Variants in STXBP5 observed in about 807,000 individuals in gnomAD.
STXBP5 encodes syntaxin binding protein 5.
Under a neutral mutation model 152.4 loss-of-function variants are expected in STXBP5, and 50 were observed. That is an observed-to-expected ratio of 0.33 (90% CI 0.26 to 0.42). The LOEUF is 0.42. STXBP5 is among the 10% of genes least tolerant of loss of function. The probability of loss-of-function intolerance (pLI) is 1.00; values close to 1 mark genes in which losing one functional copy is unlikely to be tolerated. For missense variants in STXBP5, 1,167 were observed against 1,388.6 expected (o/e 0.84, Z 2.54); for synonymous variants, 492 against 494.7 (o/e 0.99, Z 0.07).
intron 7 of STXBP5, among the ~76,000 whole-genome samples, chr6:147,276,868 A>G (rs1431532259): frequency 6.6e-6 from 1 of 152,144 alleles, no homozygotes; most frequent in African/African-American, 2.4e-5. Context: ...TAATAAGTAA[A>G]GGAGCTCCTT....
chr6:147,347,301 A>T (rs1784383616), intron 21 of STXBP5, among the ~76,000 whole-genome samples: 1 of 152,238 alleles, frequency 6.6e-6, no homozygotes, highest in Non-Finnish European at 1.5e-5. Flanking sequence ...TTCAAGGATG[A>T]AGGTGAACAG....
intron 3 of STXBP5, 44 bp downstream of exon 3, chr6:147,235,375 G>T: frequency 1.3e-6 from 2 of 1,487,082 alleles, no homozygotes; most frequent in East Asian, 2.3e-5. Context: ...TCCAAAATAG[G>T]GCCACTTCTA....
At position 147,325,796 on chromosome 6, in the gene STXBP5, C is replaced by A. The variant is rs964499882; in HGVS notation, c.1928+712C>A. ...TTTTTTTTCTTGCTGGTAGCTCCCA[C>A]CACCTATTCTGTCTCTTGCAGCTGT... On this transcript the variant is annotated intron_variant, in intron 17 of 27. Coordinates refer to ENST00000321680, the MANE Select transcript of STXBP5 (RefSeq NM_001127715.4). 9.9e-5 allele frequency among the ~76,000 whole-genome samples: 15 copies of A among 152,160 alleles called. No homozygotes were observed. In the East Asian group the frequency reaches 2.9e-3, roughly 29 times the overall value.
chr6:147,292,508 A>G (rs963149466), intron 9 of STXBP5: 1 of 158,056 alleles, frequency 6.3e-6, no homozygotes, highest in Admixed American at 6.5e-5. Context: ...AATAAACTCT[A>G]TAAATGATTG....
chr6:147,221,816 G>A (rs1777476525), intron 2 of STXBP5, among the ~76,000 whole-genome samples: 1 of 151,130 alleles, frequency 6.6e-6, no homozygotes. Context: ...ATCCGACATT[G>A]ATTTAGAGGA....
At chr6:147,240,111 T>C (rs1043452230) in intron 4 of STXBP5, among the ~76,000 whole-genome samples, 1 of 152,060 alleles carries the variant, frequency 6.6e-6, no homozygotes, top group African/African-American at 2.4e-5. Context: ...CTGGCTAATT[T>C]TTGTATTTTT....
chr6:147,349,578 T>G (rs1371826692), intron 21 of STXBP5, among the ~76,000 whole-genome samples: 3 of 152,212 alleles, frequency 2.0e-5, no homozygotes, highest in Non-Finnish European at 4.4e-5. Flanking sequence ...CTCGCTGGTT[T>G]TGTCTCCACA....
In STXBP5 at chr6:147,387,757, T is replaced by A. The variant is rs1786410022; in HGVS notation, c.*3002T>A. 6.6e-6 allele frequency: 1 copy of A among 151,862 alleles called. No individual in the cohort carries two copies. The highest frequency in any genetic ancestry group is 3.4e-3 in the Middle Eastern group (1 of 294). 9.4% of individuals were successfully genotyped at this position (151,862 alleles called of 1,614,324 possible). ...TATGTGTAAGTATATTACAATTTAA[T>A]TAAGTACAATAGTTTAAAGAACGAA... On this transcript the variant is annotated 3_prime_UTR_variant, in exon 28 of 28. Coordinates refer to ENST00000321680, the MANE Select transcript of STXBP5 (RefSeq NM_001127715.4).
At chr6:147,260,859 G>T (rs1376936806) in intron 5 of STXBP5, 110 bp downstream of exon 5, 3 of 1,307,610 alleles carry the variant, frequency 2.3e-6, no homozygotes, top group Non-Finnish European at 3.1e-6. Context: ...TGTGACAGAT[G>T]TTCTTAATAT....
intron 7 of STXBP5, among the ~76,000 whole-genome samples, chr6:147,271,022 T>C (rs1396675699): frequency 6.6e-6 from 1 of 152,004 alleles, no homozygotes; most frequent in Non-Finnish European, 1.5e-5. Flanking sequence ...TAAATTGAGA[T>C]TTTAAAAATA....
At chr6:147,297,494 T>C (rs1236974948) in intron 9 of STXBP5, among the ~76,000 whole-genome samples, 1 of 152,116 alleles carries the variant, frequency 6.6e-6, no homozygotes, top group Non-Finnish European at 1.5e-5. Context: ...GTAATTACTG[T>C]CATGAAAACA....
chr6:147,205,484 A>G lies in STXBP5; in HGVS notation c.151-487A>G, dbSNP rs567072609. Among the ~76,000 whole-genome samples the G allele has an allele frequency of 1.3e-4, 20 of 151,998 alleles. No homozygotes were observed. The South Asian group carries it at 4.1e-3, about 32-fold the overall frequency. On this transcript the variant is annotated intron_variant, in intron 1 of 27. Coordinates refer to ENST00000321680, the MANE Select transcript of STXBP5 (RefSeq NM_001127715.4). Reference sequence around the variant, plus strand: ...TCATCTTCATTCTGTTACAAGTGTAAAATGTTGGGATAGAGGTTTGATTAT... The same window carrying G: ...TCATCTTCATTCTGTTACAAGTGTAGAATGTTGGGATAGAGGTTTGATTAT...
At chr6:147,263,901 G>A (rs1210042813) in intron 6 of STXBP5, among the ~76,000 whole-genome samples, 1 of 151,872 alleles carries the variant, frequency 6.6e-6, no homozygotes, top group African/African-American at 2.4e-5. Context: ...TTAGAAATGT[G>A]TGCATATCTC....
chr6:147,350,731 T>G (rs1039501566), intron 21 of STXBP5, among the ~76,000 whole-genome samples: 44 of 152,182 alleles, frequency 2.9e-4, no homozygotes, highest in Admixed American at 2.8e-3. Context: ...GTATAGTGTT[T>G]TACATTTTAT....
chr6:147,357,262 G>A (rs1412703955), intron 22 of STXBP5, among the ~76,000 whole-genome samples: 1 of 152,028 alleles, frequency 6.6e-6, no homozygotes, highest in Non-Finnish European at 1.5e-5. Context: ...AAAATAAGCA[G>A]AATCTTGATA....
intron 16 of STXBP5, among the ~76,000 whole-genome samples, chr6:147,323,629 T>TCAA (rs1267587579): frequency 2.6e-5 from 4 of 152,182 alleles, no homozygotes; most frequent in Non-Finnish European, 5.9e-5. Flanking sequence ...TGACCTTAAG[T>TCAA]GATCTGCCCA....
At chr6:147,273,192 A>T (rs1370484719) in intron 7 of STXBP5, among the ~76,000 whole-genome samples, 2 of 148,536 alleles carry the variant, frequency 1.3e-5, no homozygotes, top group African/African-American at 5.0e-5. Context: ...GCCTCTAAAA[A>T]AGTAAAAAAA....
intron 25 of STXBP5, among the ~76,000 whole-genome samples, chr6:147,373,235 G>A (rs942374657): frequency 2.0e-5 from 3 of 151,632 alleles, no homozygotes; most frequent in African/African-American, 7.3e-5. Flanking sequence ...GCATGGTGGC[G>A]TGTGCCTGTA....
intron 21 of STXBP5, among the ~76,000 whole-genome samples, chr6:147,348,114 T>C (rs1784421552): frequency 1.3e-5 from 2 of 152,200 alleles, no homozygotes; most frequent in Non-Finnish European, 2.9e-5. Flanking sequence ...AGCTTTACAC[T>C]AAAGTACCTA....
Sources: allele counts gnomAD v4.1 joint callset (sites outside exome capture counted in the v4.1 genomes callset), GRCh38; gene constraint gnomAD v4.1.1; transcripts MANE v1.5; gene names NCBI Gene and HGNC (gene_info 2026-07-23, HGNC 2026-07-21).